SAXO2: variants seen among roughly 807,000 people sequenced by gnomAD.
The protein encoded by SAXO2 is family with sequence similarity 154, member B.
A neutral mutation model predicts 18.7 loss-of-function variants in SAXO2; 17 were observed. That is an observed-to-expected ratio of 0.91 (90% confidence interval 0.62 to 1.36). SAXO2 has a LOEUF of 1.36. Among genes scored for constraint, SAXO2 ranks in the 40% most tolerant of loss-of-function variants. The pLI is 0.00. For synonymous variants in SAXO2, 163 were observed against 181.2 expected, an observed-to-expected ratio of 0.90 and a Z score of 0.81; for missense variants, 486 against 562.6, an observed-to-expected ratio of 0.86 and a Z score of 1.38.
In SAXO2 at chr15:82,283,031, G is replaced by A. The variant is rs199953843; in HGVS notation, c.1346G>A (p.Arg449His). ...AATTCCCAAGGTCATAAATTCTTCC[G>A]CAAGATTATTCCTGCAGTGAAGGCC... is the stretch of plus-strand genomic sequence containing the variant. ...NTNSQGHKFF[R>H]KIIPAVKAF The change falls in exon 4 of 4, where the codon CGC becomes CAC. Residue 449 changes from arginine to histidine, a missense_variant. Arg to His is a conservative substitution (Grantham distance 29, BLOSUM62 0). Transcript: ENST00000682753. 398 of 1,612,874 alleles carry A rather than the reference G, an allele frequency of 2.5e-4. 1 individual carries two copies. Among genetic ancestry groups the A allele is most frequent in the Middle Eastern group, 5.0e-4 (3 of 6,058 alleles).
chr15:82,281,985 TTC>T, intron 3 of SAXO2, 132 bp from the exon 4 acceptor site: 1 of 742,666 alleles, frequency 1.3e-6, no homozygotes, highest in Non-Finnish European at 2.2e-6. Flanking sequence ...AGAAACTGTA[TTC>T]TGATACTATT....
chr15:82,283,249 G>C lies in SAXO2; in HGVS notation c.*187G>C. 1 of 405,688 alleles carries C rather than the reference G, an allele frequency of 2.5e-6. No homozygotes were observed. Among genetic ancestry groups the C allele is most frequent in the South Asian group, 6.3e-5 (1 of 15,836 alleles). The allele number at this position is 405,688 out of a possible 1,614,324, so 25.1% of individuals were successfully genotyped here. A position where few individuals can be genotyped will look rare whatever the true frequency, so the allele number is the denominator to read the frequency against. ...CATTTTTTATTGATATTTTAATCAAGATTGTTCTTTAATGTGCATTTCAGA... is the reference window on the plus strand; with the variant it reads ...CATTTTTTATTGATATTTTAATCAACATTGTTCTTTAATGTGCATTTCAGA... On this transcript the variant is annotated 3_prime_UTR_variant, in exon 4 of 4. Coordinates refer to ENST00000682753, the MANE Select transcript of SAXO2 (RefSeq NM_001348699.2).
At position 82,282,900 on chromosome 15, in the gene SAXO2, T is replaced by C; in HGVS notation, c.1215T>C (p.Val405=). Residue 405 remains valine (V), a synonymous_variant, in exon 4 of 4, where the codon GTT becomes GTC. Transcript: ENST00000682753. ...TAAATATTGCTTTTAAGAGTTCTGT[T>C]CCATTTGATGATGTAACCATGTACT... ...KPLNIAFKSS[V]PFDDVTMYSV... The C allele has an allele frequency of 6.2e-7, 1 of 1,614,100 alleles. No individual in the cohort carries two copies. The highest frequency in any genetic ancestry group is 8.5e-7 in the Non-Finnish European group (1 of 1,179,990).
Position 82,282,184 on chromosome 15 carries a change from C to T in SAXO2, c.499C>T (p.Pro167Ser). 1 of 1,613,978 alleles carries T rather than the reference C, an allele frequency of 6.2e-7. No homozygotes were observed. The highest frequency in any genetic ancestry group is 8.5e-7 in the Non-Finnish European group (1 of 1,179,910). ...LYKPEQTYHP[P>S]TVKFGNSTTF... ...TAAGCCAGAACAAACTTACCACCCG[C>T]CTACTGTGAAATTTGGAAATTCAAC... The change falls in exon 4 of 4, where the codon CCT (proline) becomes TCT (serine). Residue 167 changes from proline to serine, a missense_variant. Transcript: ENST00000682753.
chr15:82,263,523 C>T (rs1435371794), intron 1 of SAXO2: 12 of 678,972 alleles, frequency 1.8e-5, no homozygotes, highest in Non-Finnish European at 3.0e-5. Flanking sequence ...CAGTCCTCTC[C>T]TTCCTCAGCT....
intron 1 of SAXO2, among the ~76,000 whole-genome samples, chr15:82,264,359 C>G (rs1260377645): frequency 2.0e-5 from 3 of 150,530 alleles, no homozygotes; most frequent in Non-Finnish European, 3.0e-5. Flanking sequence ...CTGCGCCTGG[C>G]CTGCATTGAT....
chr15:82,269,585 G>T (rs1208910377), intron 2 of SAXO2, among the ~76,000 whole-genome samples: 1 of 152,024 alleles, frequency 6.6e-6, no homozygotes, highest in East Asian at 1.9e-4. Flanking sequence ...TTTTTTTGGT[G>T]GAGGGTGGAG....
At chr15:82,270,953 T>C (rs1311744738) in intron 2 of SAXO2, among the ~76,000 whole-genome samples, 1 of 152,226 alleles carries the variant, frequency 6.6e-6, no homozygotes, top group Non-Finnish European at 1.5e-5. Context: ...TTTACCTCAG[T>C]GTCTGCAGTA....
intron 3 of SAXO2, among the ~76,000 whole-genome samples, chr15:82,281,718 G>T (rs2075363306): frequency 6.6e-6 from 1 of 151,478 alleles, no homozygotes; most frequent in Non-Finnish European, 1.5e-5. Flanking sequence ...GCTTTTAGAC[G>T]TACCTTAGCA....
In SAXO2 at chr15:82,282,639, T is replaced by C; in HGVS notation, c.954T>C (p.Tyr318=). 6.2e-7 allele frequency: 1 copy of C among 1,614,200 alleles called. No individual in the cohort carries two copies. Among genetic ancestry groups the C allele is most frequent in the African/African-American group, 1.3e-5 (1 of 75,048 alleles). Residue 318 remains tyrosine (Y), a synonymous_variant, in exon 4 of 4, where the codon TAT becomes TAC. Transcript: ENST00000682753. Reference sequence around the variant, plus strand: ...CAAGCCATCTTGACTATGTTCCATATCAGGCCAACCATGTTGTTCCCATCA... The same window carrying C: ...CAAGCCATCTTGACTATGTTCCATACCAGGCCAACCATGTTGTTCCCATCA... ...NSTSHLDYVP[Y]QANHVVPIRP...
Position 82,265,586 on chromosome 15 carries a change from G to A in SAXO2, c.71G>A (p.Arg24His), listed in dbSNP as rs750719330. The A allele has an allele frequency of 1.8e-5, 25 of 1,367,958 alleles. No homozygotes were observed. In the South Asian group the frequency reaches 2.1e-4, roughly 12 times the overall value. 84.7% of individuals were successfully genotyped at this position (1,367,958 alleles called of 1,614,324 possible). The part of the protein sequence containing the change: ...ICSCGRHHCP[R>H]GTTRIYENSG... ...TTGCACAGGCGACATCATTGTCCAC[G>A]TGGAACCACAAGGATTTATGAAAAT... Residue 24 changes from arginine to histidine, a missense_variant, in exon 2 of 4, where the codon CGT becomes CAT. By Grantham distance (29) the Arg-to-His change is conservative. Coordinates refer to ENST00000682753, the MANE Select transcript of SAXO2 (RefSeq NM_001348699.2).
chr15:82,278,968 A>G (rs1207800851), intron 3 of SAXO2, among the ~76,000 whole-genome samples: 1 of 152,222 alleles, frequency 6.6e-6, no homozygotes, highest in Non-Finnish European at 1.5e-5. Flanking sequence ...TCTTAAATCA[A>G]TAGTCTAAAC....
Position 82,278,019 on chromosome 15 carries a change from G to GA in SAXO2, c.434-4090dup, listed in dbSNP as rs796677444. ...GAGAAAAATGGTTGTTTTTGCAAAA[G>GA]AAAAAAAAAAGCAGGAAGCTCCATT... On this transcript the variant is annotated intron_variant, in intron 3 of 3. Coordinates refer to ENST00000682753, the MANE Select transcript of SAXO2 (RefSeq NM_001348699.2). 2.4e-3 allele frequency among the ~76,000 whole-genome samples: 354 copies of GA among 145,730 alleles called. 3 individuals are homozygous for GA. Among genetic ancestry groups the GA allele is most frequent in the African/African-American group, 7.9e-3 (313 of 39,866 alleles).
In SAXO2 at chr15:82,283,019, A is replaced by C. The variant is rs745661687; in HGVS notation, c.1334A>C (p.His445Pro). The change falls in exon 4 of 4, where the codon CAT (histidine) becomes CCT (proline). Residue 445 changes from histidine (H) to proline (P), a missense_variant. Transcript: ENST00000682753. ...YIFDNTNSQG[H>P]KFFRKIIPAV... Reference sequence around the variant, plus strand: ...TTCGACAATACAAATTCCCAAGGTCATAAATTCTTCCGCAAGATTATTCCT... The same window carrying C: ...TTCGACAATACAAATTCCCAAGGTCCTAAATTCTTCCGCAAGATTATTCCT... 1.4e-5 allele frequency: 22 copies of C among 1,613,640 alleles called. No individual in the cohort carries two copies. Among genetic ancestry groups the C allele is most frequent in the Non-Finnish European group, 1.7e-5 (20 of 1,179,888 alleles).
In SAXO2 at chr15:82,284,717, G is replaced by A. The variant is rs1369741959; in HGVS notation, c.*1655G>A. ...AAAAAATTAAATAATTGCATTATGGGAGAATATGATTTATTTTAGCATAAA... is the reference window on the plus strand; with the variant it reads ...AAAAAATTAAATAATTGCATTATGGAAGAATATGATTTATTTTAGCATAAA... On this transcript the variant is annotated 3_prime_UTR_variant, in exon 4 of 4. Transcript: ENST00000682753. 6.6e-6 allele frequency: 1 copy of A among 152,188 alleles called. No individual in the cohort carries two copies. The highest frequency in any genetic ancestry group is 1.5e-5 in the Non-Finnish European group (1 of 68,024). 9.4% of individuals were successfully genotyped at this position (152,188 alleles called of 1,614,324 possible). A position where few individuals can be genotyped will look rare whatever the true frequency, so the allele number is the denominator to read the frequency against.
At chr15:82,271,528 C>T (rs2075270692) in intron 2 of SAXO2, 75 bp from the exon 3 acceptor site, 2 of 1,263,362 alleles carry the variant, frequency 1.6e-6, no homozygotes, top group Non-Finnish European at 2.2e-6. Context: ...AAAGCCTTGA[C>T]ATTTTCCATA....
chr15:82,266,342 A>G (rs554223933), intron 2 of SAXO2, among the ~76,000 whole-genome samples: 28 of 152,338 alleles, frequency 1.8e-4, no homozygotes, highest in Admixed American at 1.6e-3. Context: ...TCTGTTTTCA[A>G]TACTTCAGCC....
At chr15:82,279,753 C>T (rs1340616185) in intron 3 of SAXO2, among the ~76,000 whole-genome samples, 3 of 152,134 alleles carry the variant, frequency 2.0e-5, no homozygotes, top group Admixed American at 6.6e-5. Flanking sequence ...GTCCCAAGTA[C>T]CAGGAAAAAG....
At chr15:82,267,046 G>A (rs569697834) in intron 2 of SAXO2, among the ~76,000 whole-genome samples, 31 of 152,300 alleles carry the variant, frequency 2.0e-4, no homozygotes, top group African/African-American at 7.2e-4. Context: ...CAATCTTAGT[G>A]TTAAGTATAA....
Sources: gnomAD v4.1 joint callset for allele counts (sites outside exome capture counted in the v4.1 genomes callset) on GRCh38, gnomAD v4.1.1 for gene constraint, MANE v1.5 for transcripts, NCBI Gene and HGNC (gene_info 2026-07-23, HGNC 2026-07-21) for gene names.